CELF4: variants seen among roughly 807,000 people sequenced by gnomAD.
The protein encoded by CELF4 is CUG-BP- and ETR-3-like factor 4.
In CELF4, 18 loss-of-function variants were observed where a neutral mutation model predicts 59.9. That is an observed-to-expected ratio of 0.30 (90% confidence interval 0.21 to 0.45). The LOEUF is 0.45. Ranked by LOEUF, CELF4 falls within the 20% of genes least tolerant of loss-of-function variation. CELF4 has a pLI of 1.00. For synonymous variants in CELF4, 261 were observed against 267.1 expected (o/e 0.98, Z 0.22); for missense variants, 456 against 689.0 (o/e 0.66, Z 3.79).
At chr18:37,341,691 G>A (rs1216363643) in intron 2 of CELF4, among the ~76,000 whole-genome samples, 2 of 152,180 alleles carry the variant, frequency 1.3e-5, no homozygotes, top group African/African-American at 4.8e-5. Flanking sequence ...ATGCTCCAGA[G>A]GGGACCCTGC....
intron 1 of CELF4, among the ~76,000 whole-genome samples, chr18:37,557,990 C>T (rs2099985300): frequency 7.4e-6 from 1 of 136,054 alleles, no homozygotes; most frequent in African/African-American, 2.6e-5. Context: ...TGAAAACATC[C>T]CTTTTACTTT....
intron 2 of CELF4, among the ~76,000 whole-genome samples, chr18:37,357,143 C>A (rs1418388809): frequency 6.6e-6 from 1 of 152,200 alleles, no homozygotes; most frequent in Non-Finnish European, 1.5e-5. Flanking sequence ...CTAGCAGCAT[C>A]AGAGAAAGTT....
At chr18:37,505,374 A>G (rs1410554932) in intron 1 of CELF4, among the ~76,000 whole-genome samples, 2 of 152,152 alleles carry the variant, frequency 1.3e-5, no homozygotes, top group African/African-American at 4.8e-5. Context: ...TCTTTGGAAA[A>G]GCTCCAAACC....
At chr18:37,551,593 TC>T (rs1473356355) in intron 1 of CELF4, among the ~76,000 whole-genome samples, 6 of 152,166 alleles carry the variant, frequency 3.9e-5, no homozygotes, top group Non-Finnish European at 8.8e-5. Context: ...GCAGGAAGAT[TC>T]CAGCCCCTGG....
At chr18:37,503,161 C>T (rs1174249258) in intron 1 of CELF4, among the ~76,000 whole-genome samples, 1 of 152,206 alleles carries the variant, frequency 6.6e-6, no homozygotes, top group East Asian at 1.9e-4. Context: ...TGTCTAAAGG[C>T]CAGATACTGC....
intron 2 of CELF4, among the ~76,000 whole-genome samples, chr18:37,406,900 C>T (rs1475577639): frequency 6.6e-6 from 1 of 152,076 alleles, no homozygotes; most frequent in Non-Finnish European, 1.5e-5. Context: ...CAAGGTGGGC[C>T]TGTCTAGGAG....
At chr18:37,434,619 G>A (rs145430262) in intron 2 of CELF4, among the ~76,000 whole-genome samples, 19 of 152,280 alleles carry the variant, frequency 1.2e-4, no homozygotes, top group African/African-American at 4.3e-4. Context: ...CCCTGGTGGG[G>A]TGAATGAGCA....
chr18:37,265,506 C>T (rs887293039), intron 9 of CELF4, among the ~76,000 whole-genome samples: 2 of 152,194 alleles, frequency 1.3e-5, no homozygotes, highest in Non-Finnish European at 2.9e-5. Context: ...TCAAACGGCA[C>T]CTGTGTGGGA....
chr18:37,285,088 C>G (rs2094597753), intron 3 of CELF4, among the ~76,000 whole-genome samples: 1 of 152,270 alleles, frequency 6.6e-6, no homozygotes, highest in African/African-American at 2.4e-5. Flanking sequence ...GTTGAGAGCC[C>G]CAAGGGGTGA....
intron 8 of CELF4, among the ~76,000 whole-genome samples, chr18:37,266,904 G>A (rs984978637): frequency 1.3e-5 from 2 of 150,800 alleles, no homozygotes; most frequent in African/African-American, 4.9e-5. Flanking sequence ...GGGAGGAGAT[G>A]CCAAGGAAGC....
intron 2 of CELF4, among the ~76,000 whole-genome samples, chr18:37,348,077 G>A (rs1011242438): frequency 3.3e-5 from 5 of 152,108 alleles, no homozygotes; most frequent in Non-Finnish European, 7.4e-5. Context: ...TCTCCTGCCC[G>A]CCTGGCCCTG....
intron 2 of CELF4, among the ~76,000 whole-genome samples, chr18:37,377,493 TGCTCTG>T (rs924217573): frequency 1.3e-5 from 2 of 152,220 alleles, no homozygotes; most frequent in African/African-American, 4.8e-5. Context: ...GTGACTGTAA[TGCTCTG>T]GCCCCAGATG....
chr18:37,347,960 G>A (rs2098325775), intron 2 of CELF4, among the ~76,000 whole-genome samples: 1 of 152,116 alleles, frequency 6.6e-6, no homozygotes. Context: ...CTCAGAAGGG[G>A]CCAACCAGGT....
intron 2 of CELF4, among the ~76,000 whole-genome samples, chr18:37,469,743 G>A (rs2099816713): frequency 6.6e-6 from 1 of 152,210 alleles, no homozygotes; most frequent in Non-Finnish European, 1.5e-5. Flanking sequence ...TCAAACAGTG[G>A]CCAGATAGCG....
chr18:37,318,654 CAA>C (rs2154515925), intron 3 of CELF4, among the ~76,000 whole-genome samples: 1 of 119,822 alleles, frequency 8.3e-6, no homozygotes, highest in African/African-American at 4.6e-5. Flanking sequence ...CTTTCTACTG[CAA>C]GAAGAATAAA....
In CELF4 at chr18:37,456,240, C is replaced by G. The variant is rs201367671; in HGVS notation, c.369+29285G>C. Among the ~76,000 whole-genome samples the G allele has an allele frequency of 2.3e-4, 35 of 152,226 alleles. No homozygotes were observed. In the East Asian group the frequency reaches 6.6e-3, roughly 29 times the overall value. ...TGGTCTGGCCTTTTGCTTCTGAGGC[C>G]TTGTTTCCACCTCTGTGCCTTAAAA... On this transcript the variant is annotated intron_variant, in intron 2 of 12. Transcript: ENST00000420428.
At chr18:37,416,297 C>A (rs1403068595) in intron 2 of CELF4, among the ~76,000 whole-genome samples, 4 of 152,162 alleles carry the variant, frequency 2.6e-5, no homozygotes, top group Non-Finnish European at 4.4e-5. Context: ...ATAATTTGCT[C>A]TTGCCTGTAA....
intron 1 of CELF4, among the ~76,000 whole-genome samples, chr18:37,506,122 T>C (rs2974272): frequency 0.93 from 140,702 of 150,830 alleles, 65,848 homozygotes; most frequent in Middle Eastern, 0.97. Context: ...TTCCTTCTCT[T>C]AGGCGGGTGG....
intron 2 of CELF4, among the ~76,000 whole-genome samples, chr18:37,421,657 G>T (rs2099579106): frequency 6.6e-6 from 1 of 152,252 alleles, no homozygotes; most frequent in Admixed American, 6.5e-5. Context: ...CACAGTGGGG[G>T]CTCATGGGAG....
Sources: gnomAD v4.1 joint callset for allele counts (sites outside exome capture counted in the v4.1 genomes callset) on GRCh38, gnomAD v4.1.1 for gene constraint, MANE v1.5 for transcripts, NCBI Gene and HGNC (gene_info 2026-07-23, HGNC 2026-07-21) for gene names.